RAB27B: variants seen among roughly 807,000 people sequenced by gnomAD.
The protein encoded by RAB27B is ras-related protein Rab-27B.
In RAB27B, 15 loss-of-function variants were observed where a neutral mutation model predicts 24.6. The observed-to-expected ratio is 0.61, with a 90% CI of 0.41 to 0.94. RAB27B has a LOEUF of 0.94. Ranked by LOEUF, RAB27B falls within the 40% of genes least tolerant of loss-of-function variation. The pLI, the probability that RAB27B is intolerant of heterozygous loss-of-function variation, is 0.00. For missense variants in RAB27B, 261 were observed against 266.8 expected, an observed-to-expected ratio of 0.98 and a Z score of 0.15; for synonymous variants, 105 against 92.5, an observed-to-expected ratio of 1.14 and a Z score of -0.78.
In RAB27B at chr18:54,789,178, TTGA is replaced by T. The variant is rs57671982; in HGVS notation, c.-20+71042_-20+71044del. On this transcript the variant is annotated intron_variant, in intron 2 of 4. Transcript: ENST00000586570. The stretch of plus-strand genomic sequence containing the variant: ...GCTGTAAGAAAATTTTCAGTTCTTA[TTGA>T]TGATCATATCCATAGCATCCTTAAA... Among the ~76,000 whole-genome samples the T allele has an allele frequency of 2.1e-3, 322 of 152,342 alleles. 2 individuals carry two copies. Among genetic ancestry groups the T allele is most frequent in the African/African-American group, 7.6e-3 (315 of 41,566 alleles).
rs1333898149 is a variant in RAB27B, at chr18:54,879,462, T to A, written c.239+8T>A. Reference sequence around the variant, plus strand: ...CACTGCGGGACAAGAGCGGTAATAGTAAATTGCTTTATTTGTGGCTACACA... The same window carrying A: ...CACTGCGGGACAAGAGCGGTAATAGAAAATTGCTTTATTTGTGGCTACACA... On this transcript the variant is annotated splice_region_variant and intron_variant, in intron 3 of 5. Transcript: ENST00000262094. The A allele has an allele frequency of 1.9e-6, 3 of 1,601,258 alleles. No individual in the cohort carries two copies. In the East Asian group the frequency reaches 6.7e-5, roughly 36 times the overall value.
intron 2 of RAB27B, among the ~76,000 whole-genome samples, chr18:54,739,168 C>A (rs1418732862): frequency 6.6e-6 from 1 of 151,964 alleles, no homozygotes; most frequent in Non-Finnish European, 1.5e-5. Flanking sequence ...GAAATACTAC[C>A]TTTTGGCCAG....
intron 2 of RAB27B, among the ~76,000 whole-genome samples, chr18:54,797,508 T>A (rs975289522): frequency 1.3e-5 from 2 of 152,180 alleles, no homozygotes; most frequent in African/African-American, 2.4e-5. Context: ...AGAGTGAGAC[T>A]CTGTCAAAAT....
chr18:54,848,372 A>AT (rs1320752613), intron 1 of RAB27B, among the ~76,000 whole-genome samples: 10 of 152,200 alleles, frequency 6.6e-5, no homozygotes, highest in Non-Finnish European at 1.3e-4. Context: ...TTGGTCCTTT[A>AT]TATCATTAAA....
intron 2 of RAB27B, among the ~76,000 whole-genome samples, chr18:54,757,059 G>T (rs1291742141): frequency 6.6e-6 from 1 of 152,172 alleles, no homozygotes; most frequent in Non-Finnish European, 1.5e-5. Flanking sequence ...GATCCATTAG[G>T]CTCAAGGTTG....
intron 2 of RAB27B, among the ~76,000 whole-genome samples, chr18:54,732,002 A>C (rs1909746031): frequency 1.3e-5 from 2 of 152,214 alleles, no homozygotes; most frequent in Non-Finnish European, 2.9e-5. Flanking sequence ...TCAGATCTTT[A>C]GCAACTTTGC....
intron 2 of RAB27B, among the ~76,000 whole-genome samples, chr18:54,816,893 CCTTT>C (rs1910138615): frequency 6.6e-6 from 1 of 152,080 alleles, no homozygotes; most frequent in Non-Finnish European, 1.5e-5. Flanking sequence ...AAGGAGTTGT[CCTTT>C]CTAATTTTCA....
intron 2 of RAB27B, among the ~76,000 whole-genome samples, chr18:54,809,888 A>G (rs766167949): frequency 2.0e-5 from 3 of 152,196 alleles, no homozygotes; most frequent in South Asian, 2.1e-4. Flanking sequence ...ATGTACAGCT[A>G]ATGATATTTT....
chr18:54,862,527 A>C (rs1228823976), intron 1 of RAB27B, among the ~76,000 whole-genome samples: 2 of 152,224 alleles, frequency 1.3e-5, no homozygotes, highest in Non-Finnish European at 2.9e-5. Flanking sequence ...AGATTCTGGA[A>C]TAGTGGATGA....
intron 1 of RAB27B, among the ~76,000 whole-genome samples, chr18:54,868,519 G>C (rs1196033805): frequency 6.6e-6 from 1 of 152,162 alleles, no homozygotes; most frequent in African/African-American, 2.4e-5. Context: ...CTAGCCCTCA[G>C]CATAACCTTG....
At chr18:54,798,161 T>A (rs1909484769) in intron 2 of RAB27B, among the ~76,000 whole-genome samples, 1 of 152,218 alleles carries the variant, frequency 6.6e-6, no homozygotes, top group Admixed American at 6.5e-5. Context: ...CTTCTTCCCA[T>A]TGGTTAGCAA....
chr18:54,827,826 C>G (rs1910524340), upstream of RAB27B, among the ~76,000 whole-genome samples: 1 of 152,186 alleles, frequency 6.6e-6, no homozygotes, highest in African/African-American at 2.4e-5. Flanking sequence ...CCAAGATGGG[C>G]AGCCAGGATC....
intron 2 of RAB27B, among the ~76,000 whole-genome samples, chr18:54,820,924 T>C (rs1910289870): frequency 6.6e-6 from 1 of 152,202 alleles, no homozygotes; most frequent in Admixed American, 6.5e-5. Context: ...ATCAGATGGT[T>C]GTAGATATGC....
At chr18:54,784,059 A>G (rs1227370551) in intron 2 of RAB27B, among the ~76,000 whole-genome samples, 1 of 152,188 alleles carries the variant, frequency 6.6e-6, no homozygotes, top group East Asian at 1.9e-4. Context: ...ATCCATAGGG[A>G]GTTCACTATA....
intron 1 of RAB27B, among the ~76,000 whole-genome samples, chr18:54,835,522 G>A (rs1301403766): frequency 6.6e-6 from 1 of 151,842 alleles, no homozygotes; most frequent in Non-Finnish European, 1.5e-5. Context: ...GGAAGTAAAC[G>A]CTTCTATTAG....
chr18:54,744,361 T>C (rs1910166985), intron 2 of RAB27B, among the ~76,000 whole-genome samples: 1 of 152,228 alleles, frequency 6.6e-6, no homozygotes, highest in Admixed American at 6.5e-5. Context: ...TGGGCTATAC[T>C]GATATTCTAG....
chr18:54,724,728 A>G (rs1248217056), intron 2 of RAB27B, among the ~76,000 whole-genome samples: 1 of 151,238 alleles, frequency 6.6e-6, no homozygotes, highest in African/African-American at 2.4e-5. Flanking sequence ...AACCTACTAT[A>G]CTACTGTATT....
chr18:54,763,729 T>C (rs1306105524), intron 2 of RAB27B, among the ~76,000 whole-genome samples: 1 of 152,208 alleles, frequency 6.6e-6, no homozygotes, highest in Admixed American at 6.6e-5. Context: ...GTTTTTATCC[T>C]TAAATCCCTG....
chr18:54,883,399 A>G (rs1913006312), intron 3 of RAB27B, among the ~76,000 whole-genome samples: 1 of 152,178 alleles, frequency 6.6e-6, no homozygotes, highest in African/African-American at 2.4e-5. Context: ...AGGAGACCAA[A>G]AATTAGAAGA....
Sources: gnomAD v4.1 joint callset for allele counts (sites outside exome capture counted in the v4.1 genomes callset) on GRCh38, gnomAD v4.1.1 for gene constraint, MANE v1.5 for transcripts, NCBI Gene and HGNC (gene_info 2026-07-23, HGNC 2026-07-21) for gene names.